RAD50: variants seen among roughly 807,000 people sequenced by gnomAD.
RAD50 encodes DNA repair protein RAD50.
A neutral mutation model predicts 168.8 loss-of-function variants in RAD50; 132 were observed. The ratio of observed to expected loss-of-function variants is 0.78; its 90% CI spans 0.68 to 0.90. The LOEUF is 0.90. Ranked by LOEUF, RAD50 falls within the 40% of genes least tolerant of loss-of-function variation. RAD50 has a pLI of 0.00. For synonymous variants in RAD50, 525 were observed against 497.4 expected, an observed-to-expected ratio of 1.06 and a Z score of -0.74; for missense variants, 1,347 against 1,534.4, an observed-to-expected ratio of 0.88 and a Z score of 2.04.
At position 132,618,370 on chromosome 5, in the gene RAD50, T is replaced by G. The variant is rs1184279625; in HGVS notation, c.3389+76T>G. 77 of 1,552,362 alleles carry G rather than the reference T, an allele frequency of 5.0e-5. 1 individual carries two copies. The East Asian group carries it at 1.8e-3, about 37-fold the overall frequency. ...ACTTTAGTCATCTTTTCTCTCATTT[T>G]TTTCTTTTTTTCTTTTTTATTTTTT... On this transcript the variant is annotated intron_variant, in intron 21 of 24. Transcript: ENST00000378823.
At position 132,579,646 on chromosome 5, in the gene RAD50, T is replaced by C. The variant is rs1000117255; in HGVS notation, c.551+144T>C. On this transcript the variant is annotated intron_variant, in intron 4 of 24. Coordinates refer to ENST00000378823, the MANE Select transcript of RAD50 (RefSeq NM_005732.4). ...CTCATCCAGCAGCAACCATTGGGCA[T>C]ATTTTCTTTCACTTGTCTTTCTGTG... 1.2e-5 allele frequency: 11 copies of C among 899,504 alleles called. No individual in the cohort carries two copies. The Admixed American group carries it at 2.2e-4, about 18-fold the overall frequency. 55.7% of individuals were successfully genotyped at this position (899,504 alleles called of 1,614,324 possible).
At chr5:132,576,643 C>T (rs1750405292) in intron 3 of RAD50, among the ~76,000 whole-genome samples, 2 of 152,206 alleles carry the variant, frequency 1.3e-5, no homozygotes, top group African/African-American at 2.4e-5. Flanking sequence ...ATCTCTCATA[C>T]CCTGGGATTT....
rs1174530352 is a variant in RAD50, at chr5:132,646,060, T to C, written c.*3696T>C. ...TTGTGCCACTGCACCCCAGCCTGGG[T>C]GGGTGGCAGAGTGAGACCCTGTCTA... On this transcript the variant is annotated 3_prime_UTR_variant, in exon 25 of 25. Transcript: ENST00000378823. 8.8e-6 allele frequency: 1 copy of C among 113,102 alleles called. No individual in the cohort carries two copies. The highest frequency in any genetic ancestry group is 3.4e-5 in the African/African-American group (1 of 29,544). The allele number at this position is 113,102 out of a possible 1,614,324, so 7.0% of individuals were successfully genotyped here. A position where few individuals can be genotyped will look rare whatever the true frequency, so the allele number is the denominator to read the frequency against.
At chr5:132,589,581 T>C in intron 8 of RAD50, 50 bp from the exon 9 acceptor site, 2 of 1,418,588 alleles carry the variant, frequency 1.4e-6, no homozygotes, top group South Asian at 2.8e-5. Context: ...ATTAAAAAAC[T>C]TAAATTGTTT....
intron 21 of RAD50, 94 bp from the exon 22 acceptor site, chr5:132,637,020 AT>A (rs1214505580): frequency 1.1e-6 from 1 of 938,066 alleles, no homozygotes; most frequent in Non-Finnish European, 1.3e-6. Flanking sequence ...TTATATTTCT[AT>A]TTTTTATATA....
chr5:132,579,992 A>G lies in RAD50; in HGVS notation c.682A>G (p.Thr228Ala), dbSNP rs1178142958. The G allele has an allele frequency of 2.5e-6, 4 of 1,613,418 alleles. No homozygotes were observed. Among genetic ancestry groups the G allele is most frequent in the Non-Finnish European group, 2.5e-6 (3 of 1,179,410 alleles). ...EKACEIRDQI[T>A]SKEAQLTSSK... ...AGCTTGTGAGATTCGTGATCAGATT[A>G]CAAGTAAGGAAGCCCAGTTAACATC... The change falls in exon 5 of 25, where the codon ACA becomes GCA. Residue 228 changes from threonine to alanine, a missense_variant. Thr to Ala is a moderately conservative substitution (Grantham distance 58). Coordinates refer to ENST00000378823, the MANE Select transcript of RAD50 (RefSeq NM_005732.4).
intron 2 of RAD50, among the ~76,000 whole-genome samples, chr5:132,565,038 A>T (rs1385398278): frequency 6.6e-6 from 1 of 152,064 alleles, no homozygotes; most frequent in Admixed American, 6.5e-5. Flanking sequence ...TGATTGGATC[A>T]TGGGGGTAGA....
intron 21 of RAD50, among the ~76,000 whole-genome samples, chr5:132,619,885 TAGAG>T (rs1156724146): frequency 3.3e-5 from 4 of 121,222 alleles, no homozygotes; most frequent in Middle Eastern, 4.0e-3. Context: ...TATATATATA[TAGAG>T]AGAGAGAGAG....
intron 2 of RAD50, among the ~76,000 whole-genome samples, chr5:132,559,583 C>G (rs548858603): frequency 6.6e-6 from 1 of 152,024 alleles, no homozygotes; most frequent in Non-Finnish European, 1.5e-5. Flanking sequence ...ATTTTGTATT[C>G]TGGGTTTTTT....
At chr5:132,612,952 G>C (rs565239019) in intron 19 of RAD50, among the ~76,000 whole-genome samples, 2 of 152,186 alleles carry the variant, frequency 1.3e-5, no homozygotes, top group South Asian at 4.2e-4. Flanking sequence ...TATCCCTTTA[G>C]CTGTCAATAA....
At chr5:132,568,965 A>G (rs890379284) in intron 2 of RAD50, among the ~76,000 whole-genome samples, 4 of 152,242 alleles carry the variant, frequency 2.6e-5, no homozygotes, top group African/African-American at 9.6e-5. Context: ...TTGTTGCTCA[A>G]AAAACTTAAC....
rs965675559 is a variant in RAD50 at position 132,565,616 on chromosome 5, C to A, written c.213+6249C>A. 2.0e-5 allele frequency among the ~76,000 whole-genome samples: 3 copies of A among 152,126 alleles called. No individual in the cohort carries two copies. In the South Asian group the frequency reaches 6.2e-4, roughly 32 times the overall value. On this transcript the variant is annotated intron_variant, in intron 2 of 24. Coordinates refer to ENST00000378823, the MANE Select transcript of RAD50 (RefSeq NM_005732.4). ...CCACTGTACTCTGACCTGAATCTCC[C>A]CAGATCTGTGTCACTGAGAGGGTCA...
At position 132,604,008 on chromosome 5, in the gene RAD50, A is replaced by G. The variant is rs1174824621; in HGVS notation, c.2486A>G (p.Asn829Ser). ...TTAGATCGAACTGTCCAACAAGTCA[A>G]CCAGGAGAAACAAGAGAAACAGCAC... ...IDLDRTVQQV[N>S]QEKQEKQHKL... is the part of the protein sequence containing the mutation. The change falls in exon 15 of 25, where the codon AAC (asparagine) becomes AGC (serine). Residue 829 changes from asparagine (N) to serine (S), a missense_variant. Asn to Ser is a conservative substitution (Grantham distance 46). This residue lies in a region of RAD50 where 635 missense variants were observed against 739.2 expected (regional missense o/e 0.86). Coordinates refer to ENST00000378823, the MANE Select transcript of RAD50 (RefSeq NM_005732.4). The G allele has an allele frequency of 1.9e-6, 3 of 1,613,672 alleles. No individual in the cohort carries two copies. Among genetic ancestry groups the G allele is most frequent in the East Asian group, 4.5e-5 (2 of 44,854 alleles).
At position 132,580,754 on chromosome 5, in the gene RAD50, A is replaced by G. The variant is rs774141622; in HGVS notation, c.756+688A>G. Among the ~76,000 whole-genome samples the G allele has an allele frequency of 4.5e-4, 68 of 152,294 alleles. No homozygotes were observed. In the Middle Eastern group the frequency reaches 0.014, roughly 30 times the overall value. ...TTGGGTGTCTTCTTTGTACCAGGGT[A>G]TACTGTGCTTGGGTACAAAGAGGAC... On this transcript the variant is annotated intron_variant, in intron 5 of 24. Transcript: ENST00000378823.
chr5:132,604,248 A>AT (rs1017543661), intron 15 of RAD50, among the ~76,000 whole-genome samples: 2 of 151,884 alleles, frequency 1.3e-5, no homozygotes, highest in Non-Finnish European at 2.9e-5. Context: ...AGAGTATGAA[A>AT]TAAGCTGTAT....
chr5:132,619,722 G>A (rs1359786809), intron 21 of RAD50, among the ~76,000 whole-genome samples: 1 of 149,460 alleles, frequency 6.7e-6, no homozygotes, highest in African/African-American at 2.5e-5. Flanking sequence ...TGAGTTAGTT[G>A]AATTTAGCAG....
At chr5:132,565,822 C>A (rs112289898) in intron 2 of RAD50, among the ~76,000 whole-genome samples, 2 of 152,232 alleles carry the variant, frequency 1.3e-5, no homozygotes, top group East Asian at 1.9e-4. Flanking sequence ...CTGGATCCCC[C>A]CTATTTGTGG....
intron 21 of RAD50, among the ~76,000 whole-genome samples, chr5:132,633,764 A>G (rs1751520049): frequency 1.3e-5 from 2 of 151,930 alleles, no homozygotes; most frequent in Non-Finnish European, 2.9e-5. Context: ...TTTTGTAGAG[A>G]TGGGATCTCA....
intron 5 of RAD50, among the ~76,000 whole-genome samples, chr5:132,583,626 T>C (rs1302927916): frequency 6.6e-6 from 1 of 152,026 alleles, no homozygotes; most frequent in African/African-American, 2.4e-5. Flanking sequence ...TATAGAATCA[T>C]ACAGTATGCA....
Sources: allele counts gnomAD v4.1 joint callset (sites outside exome capture counted in the v4.1 genomes callset), GRCh38; gene constraint gnomAD v4.1.1; regional missense constraint gnomAD v4.1.1; transcripts MANE v1.5; gene names NCBI Gene and HGNC (gene_info 2026-07-23, HGNC 2026-07-21).